WDR27: variants seen among roughly 807,000 people sequenced by gnomAD.
WDR27 encodes WD repeat-containing protein 27.
WDR27 carries 100 observed loss-of-function variants against 114.4 expected under a neutral mutation model. The observed-to-expected ratio is 0.87, with a 90% CI of 0.74 to 1.03. The LOEUF (loss-of-function observed/expected upper bound fraction) is 1.03, where lower values mean the gene tolerates loss of function less well. WDR27 is among the 50% of genes least tolerant of loss of function. The pLI is 0.00. For synonymous variants in WDR27, 449 were observed against 423.1 expected, an observed-to-expected ratio of 1.06 and a Z score of -0.75; for missense variants, 1,129 against 1,092.9, an observed-to-expected ratio of 1.03 and a Z score of -0.47.
chr6:169,641,297 G>A (rs1035751530), intron 17 of WDR27, among the ~76,000 whole-genome samples: 1 of 152,124 alleles, frequency 6.6e-6, no homozygotes, highest in African/African-American at 2.4e-5. Flanking sequence ...CATCGAAGAC[G>A]AATCACCGCA....
At chr6:169,458,439 G>A (rs1784538819) in intron 25 of WDR27, among the ~76,000 whole-genome samples, 1 of 131,014 alleles carries the variant, frequency 7.6e-6, no homozygotes, top group South Asian at 2.5e-4. Flanking sequence ...CAGCGCCCTT[G>A]ACCCTCCTTC....
At chr6:169,513,415 C>T (rs1360886403) in intron 25 of WDR27, among the ~76,000 whole-genome samples, 2 of 152,070 alleles carry the variant, frequency 1.3e-5, no homozygotes, top group Admixed American at 6.5e-5. Flanking sequence ...GCCCACCTCT[C>T]GAGGAAAGAA....
the WDR27 span, among the ~76,000 whole-genome samples, chr6:169,436,101 G>A: frequency 3.3e-5 from 5 of 152,094 alleles, no homozygotes; most frequent in African/African-American, 1.2e-4. Context: ...TTTTCAACCA[G>A]AATATATAAA....
chr6:169,498,306 G>A (rs1302246226), intron 25 of WDR27, among the ~76,000 whole-genome samples: 1 of 152,126 alleles, frequency 6.6e-6, no homozygotes, highest in African/African-American at 2.4e-5. Flanking sequence ...GGAATGGGGA[G>A]TTAGTGTTAA....
chr6:169,675,178 G>GT (rs1291151497), intron 2 of WDR27, among the ~76,000 whole-genome samples: 1 of 152,174 alleles, frequency 6.6e-6, no homozygotes, highest in Non-Finnish European at 1.5e-5. Flanking sequence ...AGTGTTGGCG[G>GT]TAGGGCCTGC....
intron 22 of WDR27, 47 bp from the exon 23 acceptor site, chr6:169,602,368 G>T: frequency 7.8e-7 from 1 of 1,281,394 alleles, no homozygotes; most frequent in Non-Finnish European, 1.1e-6. Context: ...TTTAAAATTT[G>T]AATGCAAATT....
At chr6:169,636,586 C>A in intron 18 of WDR27, 82 bp from the exon 19 acceptor site, 1 of 1,376,742 alleles carries the variant, frequency 7.3e-7, no homozygotes, top group Non-Finnish European at 9.8e-7. Context: ...ATTATTTCTT[C>A]TTAAAACCCA....
intron 25 of WDR27, among the ~76,000 whole-genome samples, chr6:169,498,680 G>A (rs1344023781): frequency 6.6e-6 from 1 of 152,166 alleles, no homozygotes; most frequent in African/African-American, 2.4e-5. Context: ...GGATGTGACT[G>A]TCTAAATGAA....
intron 25 of WDR27, among the ~76,000 whole-genome samples, chr6:169,564,857 C>CATGA (rs1554292040): frequency 1.8e-4 from 27 of 151,608 alleles, no homozygotes; most frequent in African/African-American, 5.1e-4. Flanking sequence ...TAACCAAACG[C>CATGA]GTGAGTGAGT....
intron 25 of WDR27, among the ~76,000 whole-genome samples, chr6:169,521,349 G>A (rs1794351383): frequency 6.6e-6 from 1 of 151,984 alleles, no homozygotes; most frequent in African/African-American, 2.4e-5. Flanking sequence ...AACAAAAGCT[G>A]AGATAATTCA....
intron 23 of WDR27, among the ~76,000 whole-genome samples, chr6:169,597,268 T>C (rs1205337085): frequency 1.3e-5 from 2 of 152,248 alleles, no homozygotes; most frequent in Admixed American, 1.3e-4. Context: ...ATATTAATCA[T>C]GGTTATTTTT....
chr6:169,539,450 C>T (rs1410420424), intron 25 of WDR27, among the ~76,000 whole-genome samples: 1 of 152,166 alleles, frequency 6.6e-6, no homozygotes, highest in Non-Finnish European at 1.5e-5. Flanking sequence ...TTGCCTACTG[C>T]CCCAAATGCC....
At chr6:169,562,166 G>A (rs898465745) in intron 25 of WDR27, among the ~76,000 whole-genome samples, 1 of 152,198 alleles carries the variant, frequency 6.6e-6, no homozygotes, top group Non-Finnish European at 1.5e-5. Context: ...TAAGGACGCG[G>A]AAGACTTGAG....
intron 25 of WDR27, among the ~76,000 whole-genome samples, chr6:169,536,736 C>T (rs140479099): frequency 6.6e-6 from 1 of 151,948 alleles, no homozygotes; most frequent in East Asian, 1.9e-4. Flanking sequence ...CACCTAGGAC[C>T]CAGCTTTTCC....
At chr6:169,587,103 C>T (rs1159164771) in intron 23 of WDR27, among the ~76,000 whole-genome samples, 2 of 151,758 alleles carry the variant, frequency 1.3e-5, no homozygotes, top group Non-Finnish European at 2.9e-5. Context: ...GGTGTTCCTT[C>T]TCTTCCTTAC....
intron 23 of WDR27, among the ~76,000 whole-genome samples, chr6:169,586,505 G>A (rs1424388036): frequency 6.6e-6 from 1 of 152,056 alleles, no homozygotes. Context: ...GACGCCTTTG[G>A]TGTTAAACTC....
At chr6:169,656,221 G>A (rs1280801478) in intron 13 of WDR27, among the ~76,000 whole-genome samples, 2 of 152,182 alleles carry the variant, frequency 1.3e-5, no homozygotes, top group African/African-American at 2.4e-5. Flanking sequence ...GGGCACAGCA[G>A]TGTCAAAAAC....
chr6:169,672,692 G>A (rs1779060274), intron 2 of WDR27, among the ~76,000 whole-genome samples: 1 of 152,080 alleles, frequency 6.6e-6, no homozygotes, highest in South Asian at 2.1e-4. Context: ...TCCACCACAT[G>A]CCAGAAGAGG....
intron 25 of WDR27, among the ~76,000 whole-genome samples, chr6:169,510,314 C>A (rs2115526245): frequency 6.6e-6 from 1 of 152,158 alleles, no homozygotes; most frequent in African/African-American, 2.4e-5. Flanking sequence ...TCATGCTGCT[C>A]TAAAGACACA....
Sources: allele counts gnomAD v4.1 joint callset (sites outside exome capture counted in the v4.1 genomes callset), GRCh38; gene constraint gnomAD v4.1.1; transcripts MANE v1.5; gene names NCBI Gene and HGNC (gene_info 2026-07-23, HGNC 2026-07-21).